The following TMTC2 variants were observed in gnomAD, a reference collection of about 807,000 sequenced individuals.
The protein encoded by TMTC2 is protein O-mannosyl-transferase TMTC2.
Under a neutral mutation model 82.4 loss-of-function variants are expected in TMTC2, and 43 were observed. That is an observed-to-expected ratio of 0.52 (90% confidence interval 0.41 to 0.67). The LOEUF (loss-of-function observed/expected upper bound fraction) is 0.67, where lower values mean the gene tolerates loss of function less well. Among genes scored for constraint, TMTC2 ranks in the 30% least tolerant of loss-of-function variants. The probability of loss-of-function intolerance (pLI) is 0.00; values close to 1 mark genes in which losing one functional copy is unlikely to be tolerated. For synonymous variants in TMTC2, 408 were observed against 381.9 expected (o/e 1.07, Z -0.80); for missense variants, 919 against 1,012.4 (o/e 0.91, Z 1.25).
At chr12:82,832,069 C>T (rs1390576734) in intron 1 of TMTC2, among the ~76,000 whole-genome samples, 1 of 152,082 alleles carries the variant, frequency 6.6e-6, no homozygotes, top group African/African-American at 2.4e-5. Context: ...GTGAAATAGC[C>T]AACCATTACC....
chr12:82,972,857 T>C (rs1286599536), intron 7 of TMTC2, among the ~76,000 whole-genome samples: 1 of 152,176 alleles, frequency 6.6e-6, no homozygotes, highest in Non-Finnish European at 1.5e-5. Context: ...TGTGTTTAAC[T>C]GAATCATTTA....
chr12:82,952,522 C>T (rs1877401744), intron 4 of TMTC2, among the ~76,000 whole-genome samples: 1 of 150,028 alleles, frequency 6.7e-6, no homozygotes, highest in African/African-American at 2.4e-5. Context: ...CACACACAGA[C>T]ACACACACAC....
At chr12:82,871,364 A>ATT (rs113920774) in intron 2 of TMTC2, among the ~76,000 whole-genome samples, 12,397 of 145,296 alleles carry the variant, frequency 0.085, 1,417 homozygotes, top group African/African-American at 0.26. Context: ...AGAAACAATG[A>ATT]TTTTTTTTTT....
intron 2 of TMTC2, among the ~76,000 whole-genome samples, chr12:82,867,540 T>A (rs1871931011): frequency 6.6e-6 from 1 of 152,218 alleles, no homozygotes. Flanking sequence ...CATCAAACTG[T>A]TGCTAAATAT....
At chr12:83,038,325 A>T (rs1169287687) in intron 9 of TMTC2, among the ~76,000 whole-genome samples, 1 of 152,142 alleles carries the variant, frequency 6.6e-6, no homozygotes, top group East Asian at 1.9e-4. Flanking sequence ...AAGTTAGGTA[A>T]ACATACAATC....
intron 1 of TMTC2, among the ~76,000 whole-genome samples, chr12:82,830,697 T>C (rs1869700330): frequency 6.6e-6 from 1 of 152,176 alleles, no homozygotes; most frequent in Non-Finnish European, 1.5e-5. Context: ...TTATAAACAA[T>C]CTAAATGTCA....
intron 8 of TMTC2, among the ~76,000 whole-genome samples, chr12:83,000,584 T>C (rs147811470): frequency 1.3e-5 from 2 of 152,312 alleles, no homozygotes; most frequent in South Asian, 2.1e-4. Context: ...GCTGCTTTCA[T>C]GGGCTGGTGT....
intron 11 of TMTC2, among the ~76,000 whole-genome samples, chr12:83,109,779 G>C (rs1169756001): frequency 1.3e-5 from 2 of 151,950 alleles, no homozygotes; most frequent in South Asian, 2.1e-4. Context: ...ATATATACTT[G>C]GCAAAAATCA....
intron 1 of TMTC2, among the ~76,000 whole-genome samples, chr12:82,833,666 T>C (rs1284056249): frequency 6.6e-6 from 1 of 152,214 alleles, no homozygotes; most frequent in Non-Finnish European, 1.5e-5. Flanking sequence ...AATTGGAATA[T>C]TGACAAATTC....
chr12:83,064,520 G>A (rs1192685066), intron 11 of TMTC2, among the ~76,000 whole-genome samples: 2 of 151,914 alleles, frequency 1.3e-5, no homozygotes, highest in African/African-American at 2.4e-5. Flanking sequence ...ATCAACAGAT[G>A]TGGTTTTTTC....
intron 1 of TMTC2, among the ~76,000 whole-genome samples, chr12:82,828,211 C>CTTTTT (rs58399725): frequency 4.6e-5 from 5 of 109,678 alleles, no homozygotes; most frequent in Non-Finnish European, 9.2e-5. Flanking sequence ...TTTTCTTTGG[C>CTTTTT]TTTTTTTTTT....
chr12:83,018,407 G>A (rs886180128), intron 8 of TMTC2, among the ~76,000 whole-genome samples: 6 of 152,180 alleles, frequency 3.9e-5, no homozygotes, highest in African/African-American at 1.4e-4. Context: ...TCGCTAAGCA[G>A]TTTGGAAGGA....
At chr12:82,768,455 T>C (rs1282468444) in intron 1 of TMTC2, among the ~76,000 whole-genome samples, 1 of 152,206 alleles carries the variant, frequency 6.6e-6, no homozygotes, top group African/African-American at 2.4e-5. Context: ...CTCTGAGTTA[T>C]GCTAAATAGT....
At chr12:82,965,815 C>T in intron 6 of TMTC2, 71 bp downstream of exon 6, 1 of 1,566,258 alleles carries the variant, frequency 6.4e-7, no homozygotes, top group Non-Finnish European at 8.8e-7. Context: ...TTGTAACCTA[C>T]AGCCTCCTTT....
intron 1 of TMTC2, among the ~76,000 whole-genome samples, chr12:82,768,699 T>C (rs1877119696): frequency 6.6e-6 from 1 of 152,032 alleles, no homozygotes; most frequent in African/African-American, 2.4e-5. Flanking sequence ...TGTGCTTCCT[T>C]AGTTTATAGT....
At chr12:83,116,808 T>TTG (rs1884778798) in intron 11 of TMTC2, among the ~76,000 whole-genome samples, 2 of 151,638 alleles carry the variant, frequency 1.3e-5, no homozygotes, top group Non-Finnish European at 2.9e-5. Flanking sequence ...CTTGTTTGAG[T>TTG]TCATTGTAGA....
At chr12:82,934,126 C>G (rs1463351201) in intron 4 of TMTC2, among the ~76,000 whole-genome samples, 4 of 152,294 alleles carry the variant, frequency 2.6e-5, no homozygotes, top group Non-Finnish European at 5.9e-5. Context: ...GAAGCTGAGA[C>G]TCAGAGGTAA....
intron 11 of TMTC2, among the ~76,000 whole-genome samples, chr12:83,123,316 A>G (rs1356857538): frequency 6.6e-6 from 1 of 152,252 alleles, no homozygotes; most frequent in African/African-American, 2.4e-5. Flanking sequence ...AGCCATTTCA[A>G]AAGCACAAAT....
chr12:83,043,822 T>A (rs1311533440), intron 9 of TMTC2, among the ~76,000 whole-genome samples: 1 of 152,266 alleles, frequency 6.6e-6, no homozygotes, highest in Non-Finnish European at 1.5e-5. Flanking sequence ...AACTATCTTC[T>A]GTTTTCAGAT....
Sources: gnomAD v4.1 joint callset for allele counts (sites outside exome capture counted in the v4.1 genomes callset) on GRCh38, gnomAD v4.1.1 for gene constraint, MANE v1.5 for transcripts, NCBI Gene and HGNC (gene_info 2026-07-23, HGNC 2026-07-21) for gene names.